TBC1D16: variants seen among roughly 807,000 people sequenced by gnomAD.
TBC1D16 encodes TBC1 domain family member 16.
Under a neutral mutation model 74.7 loss-of-function variants are expected in TBC1D16, and 58 were observed. That is an observed-to-expected ratio of 0.78 (90% CI 0.63 to 0.97). The LOEUF is 0.97. Ranked by LOEUF, TBC1D16 falls within the 50% of genes least tolerant of loss-of-function variation. The probability of loss-of-function intolerance (pLI) is 0.00; values close to 1 mark genes in which losing one functional copy is unlikely to be tolerated. For missense variants in TBC1D16, 1,014 were observed against 1,079.5 expected, an observed-to-expected ratio of 0.94 and a Z score of 0.85; for synonymous variants, 493 against 474.7, an observed-to-expected ratio of 1.04 and a Z score of -0.50.
rs1331064321 is a variant in TBC1D16 at position 80,001,082 on chromosome 17, A to G, written c.779+9078T>C. Among the ~76,000 whole-genome samples the G allele has an allele frequency of 6.6e-6, 1 of 152,350 alleles. No individual in the cohort carries two copies. Among genetic ancestry groups the G allele is most frequent in the East Asian group, 1.9e-4 (1 of 5,178 alleles). The stretch of plus-strand genomic sequence containing the variant: ...CGCCTGCTTGGCTTCTCCGCCTGAC[A>G]GTGAGACTGCTGGGGCGAGGCTATG... On this transcript the variant is annotated intron_variant, in intron 3 of 11. Coordinates refer to ENST00000310924, the MANE Select transcript of TBC1D16 (RefSeq NM_019020.4). This position sits in a 1 kb window ranked among gnomAD's most constrained non-coding sequence, Gnocchi z 5.8.
chr17:79,993,102 G>GTT lies in TBC1D16; in HGVS notation c.779+17057_779+17058insAA, dbSNP rs2035137697. ...AGTCTATGGGGTGGGGAGCACTAGC[G>GTT]CCAGCCCCATTGTGCAGAGGGGAAA... On this transcript the variant is annotated intron_variant, in intron 3 of 11. Coordinates refer to ENST00000310924, the MANE Select transcript of TBC1D16 (RefSeq NM_019020.4). The surrounding 1 kb of genome is among the most constrained non-coding windows in gnomAD (Gnocchi z 5.1). Among the ~76,000 whole-genome samples, 2 of 152,140 alleles carry GTT rather than the reference G, an allele frequency of 1.3e-5. No homozygotes were observed. Among genetic ancestry groups the GTT allele is most frequent in the African/African-American group, 4.8e-5 (2 of 41,412 alleles).
chr17:79,990,251 G>T lies in TBC1D16; in HGVS notation c.779+19909C>A, dbSNP rs550213114. Among the ~76,000 whole-genome samples, 1 of 152,358 alleles carries T rather than the reference G, an allele frequency of 6.6e-6. No homozygotes were observed. Among genetic ancestry groups the T allele is most frequent in the Non-Finnish European group, 1.5e-5 (1 of 68,034 alleles). ...AGCAGCCGTAGCCCTCACAAGGCGT[G>T]TGCGGTGACGGGTCTCGGGCGCCCA... On this transcript the variant is annotated intron_variant, in intron 3 of 11. Transcript: ENST00000310924. This position sits in a 1 kb window ranked among gnomAD's most constrained non-coding sequence, Gnocchi z 4.8.
chr17:80,003,396 T>TC (rs1202506278), intron 3 of TBC1D16, among the ~76,000 whole-genome samples: 1 of 151,964 alleles, frequency 6.6e-6, no homozygotes, highest in Non-Finnish European at 1.5e-5. Context: ...AACACTCACT[T>TC]CCCCAGGGGG....
chr17:79,981,331 A>G lies in TBC1D16; in HGVS notation c.780-28513T>C, dbSNP rs2034570358. 6.6e-6 allele frequency among the ~76,000 whole-genome samples: 1 copy of G among 152,070 alleles called. No homozygotes were observed. Among genetic ancestry groups the G allele is most frequent in the Non-Finnish European group, 1.5e-5 (1 of 68,026 alleles). On this transcript the variant is annotated intron_variant, in intron 3 of 11. Transcript: ENST00000310924. This position sits in a 1 kb window ranked among gnomAD's most constrained non-coding sequence, Gnocchi z 6.9. The stretch of plus-strand genomic sequence containing the variant: ...AATTCTTAGAGCAAAATGGCTGTTC[A>G]CCAGCGGCGGGTATGTTCTTAGACC...
At chr17:79,976,505 T>C (rs2034336774) in intron 3 of TBC1D16, among the ~76,000 whole-genome samples, 1 of 152,158 alleles carries the variant, frequency 6.6e-6, no homozygotes, top group African/African-American at 2.4e-5. Flanking sequence ...ACTGCGTCGG[T>C]CACATGTGCG....
At position 80,013,334 on chromosome 17, in the gene TBC1D16, T is replaced by C. The variant is rs774017499; in HGVS notation, c.181+33A>G. On this transcript the variant is annotated intron_variant, in intron 2 of 11. Transcript: ENST00000310924. ...CTGGCTCGGAAAATAACCTGGGCTGTGCGACCCTGGAGCCTCGCCTGCCCT... is the reference window on the plus strand; with the variant it reads ...CTGGCTCGGAAAATAACCTGGGCTGCGCGACCCTGGAGCCTCGCCTGCCCT... 7 of 1,565,536 alleles carry C rather than the reference T, an allele frequency of 4.5e-6. No individual in the cohort carries two copies. In the Admixed American group the frequency reaches 9.5e-5, roughly 21 times the overall value.
In TBC1D16 at chr17:79,954,256, A is replaced by G. The variant is rs1163197351; in HGVS notation, c.780-1438T>C. 6.6e-6 allele frequency among the ~76,000 whole-genome samples: 1 copy of G among 152,196 alleles called. No individual in the cohort carries two copies. Among genetic ancestry groups the G allele is most frequent in the Non-Finnish European group, 1.5e-5 (1 of 68,036 alleles). On this transcript the variant is annotated intron_variant, in intron 3 of 11. Transcript: ENST00000310924. This position sits in a 1 kb window ranked among gnomAD's most constrained non-coding sequence, Gnocchi z 5.5. ...TCAATCCAGAGGCACTTCCTCCTCCAAGAAGCACCAGGTCTAAGTAAATAA... is the reference window on the plus strand; with the variant it reads ...TCAATCCAGAGGCACTTCCTCCTCCGAGAAGCACCAGGTCTAAGTAAATAA...
rs535459874 is a variant in TBC1D16 at position 80,018,178 on chromosome 17, CAAAAAAA to C, written c.-62-4576_-62-4570del. Among the ~76,000 whole-genome samples the C allele has an allele frequency of 3.0e-4, 26 of 86,116 alleles. 3 individuals are homozygous for C. Among genetic ancestry groups the C allele is most frequent in the African/African-American group, 1.0e-3 (23 of 22,426 alleles). 56.5% of individuals were successfully genotyped at this position (86,116 alleles called of 152,430 possible). A position where few individuals can be genotyped will look rare whatever the true frequency, so the allele number is the denominator to read the frequency against. On this transcript the variant is annotated intron_variant, in intron 1 of 11. Coordinates refer to ENST00000310924, the MANE Select transcript of TBC1D16 (RefSeq NM_019020.4). ...ATACAATTTTAAATTTTCTGGTAAGCAAAAAAAAAAAAAAAAGTGAAATTAATTTTAA... is the reference window on the plus strand; with the variant it reads ...ATACAATTTTAAATTTTCTGGTAAGCAAAAAAAAAGTGAAATTAATTTTAA...
chr17:80,010,363 C>A lies in TBC1D16; in HGVS notation c.576G>T (p.Pro192=), dbSNP rs764595771. Residue 192 remains proline, a synonymous_variant, in exon 3 of 12, where the codon CCG becomes CCT. Transcript: ENST00000310924. This position sits in a 1 kb window ranked among gnomAD's most constrained non-coding sequence, Gnocchi z 8.8. ...SPSGILSTVS[P]QDVTEEGREP... is the part of the protein sequence containing the mutation. ...CCCGCCCCTCCTCGGTGACATCCTG[C>A]GGACTGACCGTCGACAAGATCCCGG... 1 of 1,612,000 alleles carries A rather than the reference C, an allele frequency of 6.2e-7. No homozygotes were observed. Among genetic ancestry groups the A allele is most frequent in the Non-Finnish European group, 8.5e-7 (1 of 1,179,210 alleles).
Position 80,035,395 on chromosome 17 carries a change from G to T in TBC1D16, c.-63+400C>A, listed in dbSNP as rs184833299. 6.6e-6 allele frequency among the ~76,000 whole-genome samples: 1 copy of T among 152,148 alleles called. No homozygotes were observed. The highest frequency in any genetic ancestry group is 1.9e-4 in the East Asian group (1 of 5,150). On this transcript the variant is annotated intron_variant, in intron 1 of 11. Coordinates refer to ENST00000310924, the MANE Select transcript of TBC1D16 (RefSeq NM_019020.4). The surrounding 1 kb of genome is among the most constrained non-coding windows in gnomAD (Gnocchi z 5.3). ...GGGACGCACACTTTGGAGGCTGTGT[G>T]GGCGCGCGCCGGCACCCCACAAGTT... is the stretch of plus-strand genomic sequence containing the variant.
chr17:79,943,771 G>A lies in TBC1D16; in HGVS notation c.1908+1137C>T. ...ACTTGGGACACAGTAGGTGTCCATG[G>A]GAAAGGGACCCATCTGCCGGGCCAC... On this transcript the variant is annotated intron_variant, in intron 10 of 11. Transcript: ENST00000310924. The A allele has an allele frequency of 2.5e-6, 3 of 1,204,194 alleles. No individual in the cohort carries two copies. In the South Asian group the frequency reaches 5.3e-5, roughly 21 times the overall value. 74.6% of individuals were successfully genotyped at this position (1,204,194 alleles called of 1,614,324 possible).
rs769065064 is a variant in TBC1D16 at position 79,945,094 on chromosome 17, G to A, written c.1729-7C>T. The A allele has an allele frequency of 6.4e-7, 1 of 1,574,052 alleles. No homozygotes were observed. Among genetic ancestry groups the A allele is most frequent in the South Asian group, 1.2e-5 (1 of 85,570 alleles). On this transcript the variant is annotated splice_region_variant and splice_polypyrimidine_tract_variant and intron_variant, in intron 9 of 11. Transcript: ENST00000310924. ...GCAGCTCGCGCAGGTACAGCTGGGG[G>A]TGAGGCCGTCACGCGTTAGTTAGCT...
intron 3 of TBC1D16, among the ~76,000 whole-genome samples, chr17:79,963,797 T>C (rs1431971697): frequency 3.9e-5 from 6 of 152,216 alleles, no homozygotes; most frequent in Non-Finnish European, 7.3e-5. Flanking sequence ...TCGTATTTCA[T>C]TGGAGTTTTG....
chr17:79,984,074 C>T (rs568741261), intron 3 of TBC1D16, among the ~76,000 whole-genome samples: 15 of 19,046 alleles, frequency 7.9e-4, no homozygotes, highest in East Asian at 6.6e-3. Context: ...GGTGGGGGGG[C>T]GGGGGTCTCA....
At position 79,948,909 on chromosome 17, in the gene TBC1D16, A is replaced by G. The variant is rs908933591; in HGVS notation, c.1504T>C (p.Phe502Leu). ...VVRTDRNNQF[F>L]RGEDNPNVES... ...ACATTGGGATTGTCTTCCCCCCGGA[A>G]GAACTGGTTGTTCCGATCTGTCCGG... The change falls in exon 8 of 12, where the codon TTC (phenylalanine) becomes CTC (leucine). Residue 502 changes from phenylalanine to leucine, a missense_variant. Physicochemically the swap from Phe to Leu is conservative, Grantham distance 22 (BLOSUM62 0). Transcript: ENST00000310924. The G allele has an allele frequency of 1.2e-6, 2 of 1,614,060 alleles. No individual in the cohort carries two copies. Among genetic ancestry groups the G allele is most frequent in the African/African-American group, 2.7e-5 (2 of 74,938 alleles).
chr17:79,950,378 C>A lies in TBC1D16; in HGVS notation c.1257+33G>T, dbSNP rs776975387. Reference sequence around the variant, plus strand: ...TCGTTCCCGGTTCCCGGCCGGCTCTCCGCGGGGCCAGCTGGGCGGACCCGG... The same window carrying A: ...TCGTTCCCGGTTCCCGGCCGGCTCTACGCGGGGCCAGCTGGGCGGACCCGG... On this transcript the variant is annotated intron_variant, in intron 6 of 11. Coordinates refer to ENST00000310924, the MANE Select transcript of TBC1D16 (RefSeq NM_019020.4). This position sits in a 1 kb window ranked among gnomAD's most constrained non-coding sequence, Gnocchi z 4.6. The A allele has an allele frequency of 2.6e-6, 4 of 1,566,448 alleles. No homozygotes were observed. The South Asian group carries it at 4.7e-5, about 18-fold the overall frequency.
chr17:80,018,999 G>A (rs894973667), intron 1 of TBC1D16, among the ~76,000 whole-genome samples: 4 of 150,150 alleles, frequency 2.7e-5, no homozygotes, highest in Admixed American at 1.3e-4. Context: ...TGTAGCCTGC[G>A]CGGTGTCCAC....
intron 3 of TBC1D16, among the ~76,000 whole-genome samples, chr17:79,978,678 T>C (rs1295623848): frequency 6.6e-6 from 1 of 152,232 alleles, no homozygotes; most frequent in Non-Finnish European, 1.5e-5. Context: ...TGTGACGACT[T>C]AGACTCAGGA....
intron 3 of TBC1D16, among the ~76,000 whole-genome samples, chr17:80,003,586 T>A (rs889605664): frequency 6.6e-6 from 1 of 152,122 alleles, no homozygotes; most frequent in Admixed American, 6.5e-5. Context: ...TTTTTATACA[T>A]TGGTTTTCAT....
Sources: allele counts gnomAD v4.1 joint callset (sites outside exome capture counted in the v4.1 genomes callset), GRCh38; gene constraint gnomAD v4.1.1; non-coding constraint Gnocchi (gnomAD v3.1); transcripts MANE v1.5; gene names NCBI Gene and HGNC (gene_info 2026-07-23, HGNC 2026-07-21).